Variants in DSCAML1 observed in about 807,000 individuals in gnomAD.
The protein encoded by DSCAML1 is DS cell adhesion molecule like 1.
A neutral mutation model predicts 200.5 loss-of-function variants in DSCAML1; 38 were observed. The observed-to-expected ratio is 0.19, with a 90% confidence interval of 0.15 to 0.25. The LOEUF is 0.25. Among genes scored for constraint, DSCAML1 ranks in the 10% least tolerant of loss-of-function variants. The pLI is 1.00. For missense variants in DSCAML1, 2,223 were observed against 2,858.8 expected (o/e 0.78, Z 5.07); for synonymous variants, 1,215 against 1,165.0 (o/e 1.04, Z -0.87).
intron 3 of DSCAML1, among the ~76,000 whole-genome samples, chr11:117,678,833 CG>C: frequency 6.6e-6 from 1 of 152,326 alleles, no homozygotes; most frequent in East Asian, 1.9e-4. Flanking sequence ...GCCTTGTAGG[CG>C]AGGACTTTGG....
intron 3 of DSCAML1, among the ~76,000 whole-genome samples, chr11:117,591,175 C>G (rs1265606525): frequency 1.3e-5 from 2 of 152,140 alleles, no homozygotes; most frequent in African/African-American, 2.4e-5. Flanking sequence ...TATTCACATA[C>G]AGAGAGCAGC....
intron 3 of DSCAML1, among the ~76,000 whole-genome samples, chr11:117,767,450 A>T (rs1292862012): frequency 6.6e-6 from 1 of 152,214 alleles, no homozygotes; most frequent in African/African-American, 2.4e-5. Context: ...CAGTTTAGGG[A>T]GAGAATCCCA....
In DSCAML1 at chr11:117,542,332, AAAC is replaced by A. The variant is rs1232254690; in HGVS notation, c.512-9813_512-9811del. Among the ~76,000 whole-genome samples, 9 of 132,260 alleles carry A rather than the reference AAAC, an allele frequency of 6.8e-5. No individual in the cohort carries two copies. In the South Asian group the frequency reaches 1.1e-3, roughly 16 times the overall value. The allele number at this position is 132,260 out of a possible 152,430, so 86.8% of individuals were successfully genotyped here. ...CAAAACAAAACAAAACAAAACACAA[AAAC>A]AACAACAACAACAACAACAAAAAAA... On this transcript the variant is annotated intron_variant, in intron 3 of 32. Coordinates refer to ENST00000651296, the MANE Select transcript of DSCAML1 (RefSeq NM_020693.4).
chr11:117,658,853 C>T (rs756577415), intron 3 of DSCAML1, among the ~76,000 whole-genome samples: 4 of 152,218 alleles, frequency 2.6e-5, no homozygotes, highest in African/African-American at 4.8e-5. Context: ...TCCTTACTTA[C>T]GTTGCTTGAG....
At chr11:117,544,631 C>G (rs1412620906) in intron 3 of DSCAML1, among the ~76,000 whole-genome samples, 2 of 152,170 alleles carry the variant, frequency 1.3e-5, no homozygotes, top group Non-Finnish European at 1.5e-5. Flanking sequence ...ATCCTTCTTC[C>G]TCTCCTTTCC....
chr11:117,655,259 A>G (rs1169555025), intron 3 of DSCAML1, among the ~76,000 whole-genome samples: 1 of 152,234 alleles, frequency 6.6e-6, no homozygotes, highest in Non-Finnish European at 1.5e-5. Flanking sequence ...ATGTGCAGGC[A>G]GAAGAGGGCT....
chr11:117,634,012 C>T (rs952929946), intron 3 of DSCAML1, among the ~76,000 whole-genome samples: 4 of 152,208 alleles, frequency 2.6e-5, no homozygotes, highest in African/African-American at 9.7e-5. Flanking sequence ...ACATGCCCTG[C>T]ACCGTGCTGG....
chr11:117,609,360 T>C (rs886786763), intron 3 of DSCAML1, among the ~76,000 whole-genome samples: 1 of 150,818 alleles, frequency 6.6e-6, no homozygotes, highest in African/African-American at 2.4e-5. Flanking sequence ...CAGGCTGGAG[T>C]GCAGATGTGC....
At chr11:117,738,113 TTG>T (rs376624074) in intron 3 of DSCAML1, among the ~76,000 whole-genome samples, 2 of 151,962 alleles carry the variant, frequency 1.3e-5, no homozygotes, top group South Asian at 4.2e-4. Context: ...TGCTGAATGA[TTG>T]TGTGTGTGTG....
intron 3 of DSCAML1, among the ~76,000 whole-genome samples, chr11:117,746,624 C>A (rs1443682663): frequency 7.2e-5 from 11 of 152,182 alleles, no homozygotes; most frequent in African/African-American, 2.4e-4. Context: ...CCTCCTCAGA[C>A]CCCTAGCAGC....
rs889120107 is a variant in DSCAML1 at position 117,463,407 on chromosome 11, A to G, written c.3265+1535T>C. Among the ~76,000 whole-genome samples, 2 of 147,720 alleles carry G rather than the reference A, an allele frequency of 1.4e-5. No individual in the cohort carries two copies. Among genetic ancestry groups the G allele is most frequent in the Admixed American group, 1.4e-4 (2 of 14,662 alleles). On this transcript the variant is annotated intron_variant, in intron 17 of 32. Coordinates refer to ENST00000651296, the MANE Select transcript of DSCAML1 (RefSeq NM_020693.4). This position sits in a 1 kb window ranked among gnomAD's most constrained non-coding sequence, Gnocchi z 4.0. ...GAGATGGGGTCTTGCTGTATTGTCC[A>G]TGCTGGACACCCGGATTAGAAATGA...
At chr11:117,625,503 T>A (rs562162135) in intron 3 of DSCAML1, among the ~76,000 whole-genome samples, 2 of 152,240 alleles carry the variant, frequency 1.3e-5, no homozygotes, top group South Asian at 4.2e-4. Context: ...GGCCCCCTCA[T>A]TTTAGAAAGG....
At chr11:117,674,127 C>T (rs753628533) in intron 3 of DSCAML1, among the ~76,000 whole-genome samples, 8 of 152,188 alleles carry the variant, frequency 5.3e-5, no homozygotes, top group Non-Finnish European at 1.2e-4. Flanking sequence ...CTTACGTTGC[C>T]GGTACTAGTT....
chr11:117,707,222 C>T (rs952389842), intron 3 of DSCAML1, among the ~76,000 whole-genome samples: 5 of 152,178 alleles, frequency 3.3e-5, no homozygotes, highest in African/African-American at 9.7e-5. Flanking sequence ...TATTTAGGAA[C>T]GACCACTGCC....
chr11:117,464,827 A>G (rs1473642512), intron 17 of DSCAML1, 115 bp downstream of exon 17: 34 of 1,502,084 alleles, frequency 2.3e-5, no homozygotes, highest in Non-Finnish European at 3.0e-5. Flanking sequence ...TGCGTGGACC[A>G]CAGGACCAAA....
intron 4 of DSCAML1, among the ~76,000 whole-genome samples, chr11:117,530,529 C>T (rs544586044): frequency 6.0e-4 from 92 of 152,322 alleles, no homozygotes; most frequent in Middle Eastern, 3.4e-3. Context: ...TATGACAGCA[C>T]GGTTTCCCTC....
chr11:117,659,472 A>C lies in DSCAML1; in HGVS notation c.511+117319T>G, dbSNP rs1276725595. Among the ~76,000 whole-genome samples the C allele has an allele frequency of 1.3e-5, 2 of 152,240 alleles. 1 individual carries two copies. Among genetic ancestry groups the C allele is most frequent in the East Asian group, 3.8e-4 (2 of 5,204 alleles). ...CAGCAATTGTATTCTCTGCCTCTTT[A>C]GTGAAGTGAGACTATCTTTCAAAAC... On this transcript the variant is annotated intron_variant, in intron 3 of 32. Coordinates refer to ENST00000651296, the MANE Select transcript of DSCAML1 (RefSeq NM_020693.4).
At chr11:117,580,069 G>T (rs1482423782) in intron 3 of DSCAML1, among the ~76,000 whole-genome samples, 1 of 152,200 alleles carries the variant, frequency 6.6e-6, no homozygotes, top group Non-Finnish European at 1.5e-5. Flanking sequence ...AAGTGTCTCA[G>T]AGCTCAAGGT....
chr11:117,638,835 T>G (rs765146086), intron 3 of DSCAML1, among the ~76,000 whole-genome samples: 4 of 152,252 alleles, frequency 2.6e-5, no homozygotes, highest in Non-Finnish European at 5.9e-5. Flanking sequence ...AATGCTGCTG[T>G]GAACATCCAT....
Sources: allele counts gnomAD v4.1 joint callset (sites outside exome capture counted in the v4.1 genomes callset), GRCh38; gene constraint gnomAD v4.1.1; non-coding constraint Gnocchi (gnomAD v3.1); transcripts MANE v1.5; gene names NCBI Gene and HGNC (gene_info 2026-07-23, HGNC 2026-07-21).